DMD: variants seen among roughly 807,000 people sequenced by gnomAD.
DMD encodes the protein dystrophin.
Under a neutral mutation model 330.1 loss-of-function variants are expected in DMD, and 63 were observed. That is an observed-to-expected ratio of 0.19 (90% confidence interval 0.16 to 0.24). The LOEUF is 0.24. Ranked by LOEUF, DMD falls within the 10% of genes least tolerant of loss-of-function variation. The pLI is 1.00. For synonymous variants in DMD, 1,223 were observed against 959.8 expected (o/e 1.27, Z -5.07); for missense variants, 3,344 against 2,684.1 (o/e 1.25, Z -5.43).
chrX:31,336,674 G>A (rs1452648502), intron 61 of DMD, among the ~76,000 whole-genome samples: 1 of 111,640 alleles, frequency 9.0e-6, no homozygotes, highest in Non-Finnish European at 1.9e-5. Context: ...CTTTGTCTTG[G>A]AGAGCTTGAA....
chrX:31,593,187 T>G lies in DMD; in HGVS notation c.8217+34486A>C, dbSNP rs1227277400. The stretch of plus-strand genomic sequence containing the variant: ...ATAGAAAATCTAAAAGTGGAAATTT[T>G]TATTGCCTCCGTATTACAGAGGAGA... On this transcript the variant is annotated intron_variant, in intron 55 of 78. Coordinates refer to ENST00000357033, the MANE Select transcript of DMD (RefSeq NM_004006.3). 2.7e-5 allele frequency among the ~76,000 whole-genome samples: 3 copies of G among 111,341 alleles called. No homozygotes were observed. The East Asian group carries it at 8.4e-4, about 31-fold the overall frequency.
At chrX:33,112,451 A>G (rs987507503) in intron 1 of DMD, among the ~76,000 whole-genome samples, 1 of 111,794 alleles carries the variant, frequency 8.9e-6, no homozygotes, top group Non-Finnish European at 1.9e-5. Flanking sequence ...TCTAATTCAG[A>G]GAAATTCAAA....
intron 55 of DMD, among the ~76,000 whole-genome samples, chrX:31,622,584 T>C (rs1039856824): frequency 3.6e-5 from 4 of 109,846 alleles, no homozygotes; most frequent in Non-Finnish European, 7.6e-5. Flanking sequence ...TGTCTCTCTT[T>C]GCTATGTTAG....
At chrX:32,653,951 C>CTCTGTT (rs2060363120) in intron 9 of DMD, among the ~76,000 whole-genome samples, 2 of 110,091 alleles carry the variant, frequency 1.8e-5, no homozygotes, top group Admixed American at 9.7e-5. Flanking sequence ...TGATTTGCCT[C>CTCTGTT]TGTCTGTTAT....
chrX:32,225,095 C>A lies in DMD; in HGVS notation c.6291-8032G>T, dbSNP rs6628686. ...TTTTATAGGTAAACTTGTTAAATGTCTTGTATGGACACTGCCTTATGAAAC... is the reference window on the plus strand; with the variant it reads ...TTTTATAGGTAAACTTGTTAAATGTATTGTATGGACACTGCCTTATGAAAC... On this transcript the variant is annotated intron_variant, in intron 43 of 78. Coordinates refer to ENST00000357033, the MANE Select transcript of DMD (RefSeq NM_004006.3). 0.034 allele frequency among the ~76,000 whole-genome samples: 3,845 copies of A among 111,729 alleles called. 307 individuals carry two copies. In the East Asian group the frequency reaches 0.45, roughly 13 times the overall value.
At chrX:31,228,125 G>GGA (rs2046823206) in intron 63 of DMD, among the ~76,000 whole-genome samples, 1 of 105,778 alleles carries the variant, frequency 9.5e-6, no homozygotes. Flanking sequence ...GGGGAGTGGG[G>GGA]GGGATAGCAC....
intron 1 of DMD, among the ~76,000 whole-genome samples, chrX:33,028,477 T>A (rs1322154178): frequency 8.9e-6 from 1 of 112,131 alleles, no homozygotes; most frequent in African/African-American, 3.2e-5. Flanking sequence ...AAACATATTA[T>A]CGATTAGGCC....
chrX:31,586,169 C>A (rs1032821657), intron 55 of DMD, among the ~76,000 whole-genome samples: 39 of 111,562 alleles, frequency 3.5e-4, no homozygotes, highest in Non-Finnish European at 3.6e-4. Flanking sequence ...CTGTTTCTTT[C>A]TAGAAAACAA....
intron 44 of DMD, among the ~76,000 whole-genome samples, chrX:32,007,790 A>C (rs73449998): frequency 0.041 from 4,535 of 110,943 alleles, 218 homozygotes; most frequent in African/African-American, 0.14. Flanking sequence ...CTCACCCTTG[A>C]AGTCTTAACA....
chrX:32,597,316 A>G (rs1433086112), intron 12 of DMD, among the ~76,000 whole-genome samples: 1 of 111,472 alleles, frequency 9.0e-6, no homozygotes, highest in Non-Finnish European at 1.9e-5. Flanking sequence ...TACTTACTAT[A>G]ATAGGCAGTC....
intron 57 of DMD, among the ~76,000 whole-genome samples, chrX:31,486,514 A>G (rs2068820892): frequency 8.9e-6 from 1 of 112,192 alleles, no homozygotes; most frequent in African/African-American, 3.2e-5. Flanking sequence ...GCCTTCTTCA[A>G]CCTAGTGATT....
intron 1 of DMD, among the ~76,000 whole-genome samples, chrX:33,081,962 T>G (rs923227129): frequency 5.6e-5 from 5 of 89,809 alleles, no homozygotes; most frequent in African/African-American, 2.5e-4. Context: ...TGGAAAACAG[T>G]TTTTTTTTTT....
chrX:32,408,769 C>T lies in DMD; in HGVS notation c.4233+2983G>A, dbSNP rs923698836. Among the ~76,000 whole-genome samples, 3 of 111,729 alleles carry T rather than the reference C, an allele frequency of 2.7e-5. No homozygotes were observed. The South Asian group carries it at 1.1e-3, about 41-fold the overall frequency. On this transcript the variant is annotated intron_variant, in intron 30 of 78. Transcript: ENST00000357033. ...GCACTAATATTTTAATTAGCAATAACCTTTTTATCTTTAAGTGCAAATTTA... is the reference window on the plus strand; with the variant it reads ...GCACTAATATTTTAATTAGCAATAATCTTTTTATCTTTAAGTGCAAATTTA...
At chrX:32,351,803 T>C (rs1007350989) in intron 37 of DMD, among the ~76,000 whole-genome samples, 1 of 110,379 alleles carries the variant, frequency 9.1e-6, no homozygotes, top group Admixed American at 9.7e-5. Context: ...GTATATTAAC[T>C]GCTGCCCAAA....
intron 62 of DMD, among the ~76,000 whole-genome samples, chrX:31,286,756 T>C (rs1420131314): frequency 8.9e-6 from 1 of 112,212 alleles, no homozygotes; most frequent in African/African-American, 3.2e-5. Context: ...TCTACACGTT[T>C]TTTCTTTCTT....
At chrX:32,406,112 G>C (rs2098115726) in intron 30 of DMD, among the ~76,000 whole-genome samples, 1 of 111,815 alleles carries the variant, frequency 8.9e-6, no homozygotes, top group African/African-American at 3.3e-5. Context: ...TGCATGCTGA[G>C]ACTTTGCTGA....
At chrX:32,736,973 C>A (rs1017029041) in intron 7 of DMD, among the ~76,000 whole-genome samples, 24 of 110,229 alleles carry the variant, frequency 2.2e-4, no homozygotes, top group African/African-American at 7.9e-4. Context: ...GTTAAAATAA[C>A]CATTAACCAC....
intron 1 of DMD, among the ~76,000 whole-genome samples, chrX:33,319,420 C>T (rs1307267683): frequency 9.1e-6 from 1 of 110,404 alleles, no homozygotes; most frequent in Non-Finnish European, 1.9e-5. Flanking sequence ...GGATGAAATC[C>T]CATAAACTGA....
chrX:32,827,069 A>ACACT (rs2078771653), intron 4 of DMD, among the ~76,000 whole-genome samples: 1 of 76,565 alleles, frequency 1.3e-5, no homozygotes, highest in Non-Finnish European at 2.4e-5. Flanking sequence ...CCCCCCCCAC[A>ACACT]CACACACACA....
Sources: allele counts gnomAD v4.1 joint callset (sites outside exome capture counted in the v4.1 genomes callset), GRCh38; gene constraint gnomAD v4.1.1; transcripts MANE v1.5; gene names NCBI Gene and HGNC (gene_info 2026-07-23, HGNC 2026-07-21).